The following CADM2 variants were observed in gnomAD, a reference collection of about 807,000 sequenced individuals.
The protein encoded by CADM2 is cell adhesion molecule 2, also known as immunoglobulin superfamily member 4D.
In CADM2, 12 loss-of-function variants were observed where a neutral mutation model predicts 49.8. That is an observed-to-expected ratio of 0.24 (90% CI 0.15 to 0.39). CADM2 has a LOEUF of 0.39. Among genes scored for constraint, CADM2 ranks in the 10% least tolerant of loss-of-function variants. The pLI, the probability that CADM2 is intolerant of heterozygous loss-of-function variation, is 1.00. For synonymous variants in CADM2, 214 were observed against 175.4 expected, an observed-to-expected ratio of 1.22 and a Z score of -1.74; for missense variants, 378 against 492.3, an observed-to-expected ratio of 0.77 and a Z score of 2.20.
intron 1 of CADM2, among the ~76,000 whole-genome samples, chr3:85,558,856 T>C (rs953101814): frequency 1.3e-5 from 2 of 152,036 alleles, no homozygotes; most frequent in African/African-American, 4.8e-5. Flanking sequence ...AGAGAAGTGG[T>C]CTTTAAATTT....
chr3:85,207,635 C>A (rs1431900779), intron 1 of CADM2, among the ~76,000 whole-genome samples: 1 of 151,866 alleles, frequency 6.6e-6, no homozygotes, highest in African/African-American at 2.4e-5. Context: ...TAATGGTAAG[C>A]CTGAAAAGGA....
At chr3:85,352,071 T>C (rs2031405522) in intron 1 of CADM2, among the ~76,000 whole-genome samples, 1 of 152,280 alleles carries the variant, frequency 6.6e-6, no homozygotes, top group South Asian at 2.1e-4. Context: ...TTAAAGCAGA[T>C]AGAAGATTAT....
intron 8 of CADM2, chr3:86,013,984 G>A (rs1194437644): frequency 6.8e-7 from 1 of 1,470,530 alleles, no homozygotes; most frequent in Non-Finnish European, 9.2e-7. Context: ...GTTGCATTAG[G>A]AACAATTGAA....
intron 7 of CADM2, among the ~76,000 whole-genome samples, chr3:85,959,146 A>ATCTCTCTCTCTCTC (rs1157977118): frequency 2.8e-5 from 2 of 71,946 alleles, no homozygotes; most frequent in African/African-American, 1.5e-4. Context: ...ATCTTTATCT[A>ATCTCTCTCTCTCTC]TCTATCTCTC....
intron 1 of CADM2, among the ~76,000 whole-genome samples, chr3:85,181,208 C>A (rs1228798952): frequency 6.6e-6 from 1 of 152,082 alleles, no homozygotes; most frequent in Non-Finnish European, 1.5e-5. Context: ...ACATACAAAT[C>A]AACCTATTTG....
intron 1 of CADM2, among the ~76,000 whole-genome samples, chr3:85,582,051 C>T (rs1475406276): frequency 6.6e-6 from 1 of 152,016 alleles, no homozygotes; most frequent in Non-Finnish European, 1.5e-5. Flanking sequence ...CTCAGTCACC[C>T]AATAGCTGGT....
intron 1 of CADM2, among the ~76,000 whole-genome samples, chr3:85,232,870 A>T (rs2042326239): frequency 6.6e-6 from 1 of 152,190 alleles, no homozygotes; most frequent in African/African-American, 2.4e-5. Flanking sequence ...TTTAGTATAT[A>T]ATTGGATGAC....
chr3:84,973,628 A>G (rs2107103308), intron 1 of CADM2, among the ~76,000 whole-genome samples: 1 of 152,286 alleles, frequency 6.6e-6, no homozygotes, highest in Non-Finnish European at 1.5e-5. Flanking sequence ...GTGAGAAGGA[A>G]CTATGTAACA....
chr3:85,443,821 T>A (rs978802385), intron 1 of CADM2, among the ~76,000 whole-genome samples: 2 of 152,156 alleles, frequency 1.3e-5, no homozygotes, highest in Non-Finnish European at 2.9e-5. Flanking sequence ...GCCTCATAGG[T>A]TTGAAGGTCA....
At chr3:85,725,141 T>C (rs984307297) in intron 1 of CADM2, among the ~76,000 whole-genome samples, 1 of 151,940 alleles carries the variant, frequency 6.6e-6, no homozygotes, top group African/African-American at 2.4e-5. Flanking sequence ...AAAATAACTT[T>C]GTTTTTAGTT....
At chr3:85,399,490 G>T (rs908381926) in intron 1 of CADM2, among the ~76,000 whole-genome samples, 1 of 152,174 alleles carries the variant, frequency 6.6e-6, no homozygotes, top group Non-Finnish European at 1.5e-5. Context: ...GAACTTTAAA[G>T]TAGTTTTTTC....
chr3:85,252,376 A>G (rs368378089), intron 1 of CADM2, among the ~76,000 whole-genome samples: 49 of 152,024 alleles, frequency 3.2e-4, no homozygotes, highest in Middle Eastern at 3.4e-3. Flanking sequence ...AGGAGTGAGA[A>G]TGAGCTGGGT....
intron 1 of CADM2, among the ~76,000 whole-genome samples, chr3:85,233,338 C>G (rs544669444): frequency 6.6e-6 from 1 of 152,008 alleles, no homozygotes; most frequent in African/African-American, 2.4e-5. Context: ...TTTGTCAGAA[C>G]CCATAGGCCT....
At chr3:85,363,313 G>T (rs748501830) in intron 1 of CADM2, among the ~76,000 whole-genome samples, 5 of 152,060 alleles carry the variant, frequency 3.3e-5, no homozygotes, top group Non-Finnish European at 7.4e-5. Flanking sequence ...AATCAATGAG[G>T]TCATTTTTAT....
At chr3:85,926,643 G>T (rs1446568538) in intron 6 of CADM2, among the ~76,000 whole-genome samples, 1 of 151,962 alleles carries the variant, frequency 6.6e-6, no homozygotes, top group Non-Finnish European at 1.5e-5. Context: ...GTACAAATTT[G>T]CTATCGGGAG....
chr3:85,161,151 A>G (rs1480453953), intron 1 of CADM2, among the ~76,000 whole-genome samples: 1 of 152,206 alleles, frequency 6.6e-6, no homozygotes, highest in Non-Finnish European at 1.5e-5. Context: ...AAGACATTTT[A>G]TATCACAGTA....
chr3:85,132,573 A>G (rs1276038160), intron 1 of CADM2, among the ~76,000 whole-genome samples: 2 of 123,880 alleles, frequency 1.6e-5, no homozygotes, highest in East Asian at 2.1e-4. Flanking sequence ...GCTCATTTGT[A>G]TAAGAATTAA....
chr3:85,130,204 C>A (rs1444849700), intron 1 of CADM2, among the ~76,000 whole-genome samples: 1 of 152,054 alleles, frequency 6.6e-6, no homozygotes, highest in East Asian at 1.9e-4. Context: ...GTGTTTAGTG[C>A]CACGTTCAGC....
intron 1 of CADM2, among the ~76,000 whole-genome samples, chr3:85,400,685 T>C (rs2035061661): frequency 6.7e-6 from 1 of 149,192 alleles, no homozygotes; most frequent in Admixed American, 6.8e-5. Flanking sequence ...TGGGAGGGTG[T>C]ATGTGTCCAG....
Sources: allele counts gnomAD v4.1 joint callset (sites outside exome capture counted in the v4.1 genomes callset), GRCh38; gene constraint gnomAD v4.1.1; transcripts MANE v1.5; gene names NCBI Gene and HGNC (gene_info 2026-07-23, HGNC 2026-07-21).